Variants in SPRED2 observed in about 807,000 individuals in gnomAD.
The protein encoded by SPRED2 is sprouty-related, EVH1 domain-containing protein 2.
Under a neutral mutation model 43.0 loss-of-function variants are expected in SPRED2, and 47 were observed. The observed-to-expected ratio is 1.09, with a 90% CI of 0.87 to 1.40. SPRED2 has a LOEUF of 1.40. SPRED2 is among the 40% of genes most tolerant of loss of function. The pLI is 0.00. For missense variants in SPRED2, 561 were observed against 586.4 expected, an observed-to-expected ratio of 0.96 and a Z score of 0.45; for synonymous variants, 225 against 225.7, an observed-to-expected ratio of 1.00 and a Z score of 0.03.
intron 4 of SPRED2, among the ~76,000 whole-genome samples, chr2:65,324,175 A>T (rs751580113): frequency 6.6e-6 from 1 of 152,030 alleles, no homozygotes; most frequent in Non-Finnish European, 1.5e-5. Flanking sequence ...AAAAAAGAGC[A>T]GGCTTCCAGT....
At chr2:65,430,722 C>G (rs1676659276) in intron 1 of SPRED2, among the ~76,000 whole-genome samples, 1 of 152,154 alleles carries the variant, frequency 6.6e-6, no homozygotes, top group African/African-American at 2.4e-5. Flanking sequence ...TGCCAACCAG[C>G]TCTTTGCGCC....
chr2:65,322,903 T>C (rs1202177543), intron 4 of SPRED2, among the ~76,000 whole-genome samples: 1 of 152,226 alleles, frequency 6.6e-6, no homozygotes, highest in Non-Finnish European at 1.5e-5. Flanking sequence ...ATATGTGAAT[T>C]AAACAGCTTT....
chr2:65,391,448 CA>C (rs1486405696), intron 1 of SPRED2, among the ~76,000 whole-genome samples: 12 of 152,286 alleles, frequency 7.9e-5, no homozygotes, highest in African/African-American at 2.9e-4. Flanking sequence ...AAACTTTAGG[CA>C]AAATTTGGAT....
intron 1 of SPRED2, among the ~76,000 whole-genome samples, chr2:65,431,312 G>C (rs958503406): frequency 7.9e-5 from 12 of 151,342 alleles, no homozygotes; most frequent in African/African-American, 2.9e-4. Flanking sequence ...CGCAGGACGC[G>C]TGTGCCGGCC....
chr2:65,381,285 T>C (rs931169755), intron 1 of SPRED2, among the ~76,000 whole-genome samples: 6 of 152,188 alleles, frequency 3.9e-5, no homozygotes, highest in Admixed American at 1.3e-4. Context: ...GTCTTGATAA[T>C]AGACAAATGC....
At chr2:65,335,140 G>A (rs545179397) in intron 2 of SPRED2, among the ~76,000 whole-genome samples, 87 of 152,092 alleles carry the variant, frequency 5.7e-4, no homozygotes, top group Admixed American at 1.6e-3. Flanking sequence ...TCCCTCCCCC[G>A]AGGCTCCAAA....
At chr2:65,386,360 C>G (rs138980174) in intron 1 of SPRED2, among the ~76,000 whole-genome samples, 108 of 151,756 alleles carry the variant, frequency 7.1e-4, no homozygotes, top group African/African-American at 2.4e-3. Flanking sequence ...CCTTCTTACC[C>G]CAGCAGGGCA....
In SPRED2 at chr2:65,388,988, T is replaced by TG. The variant is rs1367208514; in HGVS notation, c.26+42973dup. On this transcript the variant is annotated intron_variant, in intron 1 of 5. Transcript: ENST00000356388. Reference sequence around the variant, plus strand: ...ACTGGGATTTGAAAGGTTCAACAGGTGGGGGTCAGGACAGAGATTCTGTAC... The same window carrying TG: ...ACTGGGATTTGAAAGGTTCAACAGGTGGGGGGTCAGGACAGAGATTCTGTAC... Among the ~76,000 whole-genome samples the TG allele has an allele frequency of 2.6e-5, 4 of 152,142 alleles. No individual in the cohort carries two copies. The South Asian group carries it at 6.2e-4, about 24-fold the overall frequency.
At chr2:65,357,347 G>C (rs1674682310) in intron 1 of SPRED2, among the ~76,000 whole-genome samples, 1 of 152,192 alleles carries the variant, frequency 6.6e-6, no homozygotes, top group Non-Finnish European at 1.5e-5. Flanking sequence ...CCCGAAGGCA[G>C]AGTTCAGGTC....
At chr2:65,332,090 A>C in intron 3 of SPRED2, 39 bp from the exon 4 acceptor site, 1 of 1,351,864 alleles carries the variant, frequency 7.4e-7, no homozygotes, top group Non-Finnish European at 1.0e-6. Context: ...GTTTCCCAAG[A>C]GGATACATCA....
At chr2:65,388,369 A>T (rs1356904675) in intron 1 of SPRED2, among the ~76,000 whole-genome samples, 32 of 152,218 alleles carry the variant, frequency 2.1e-4, no homozygotes, top group Non-Finnish European at 1.5e-5. Flanking sequence ...AGGTCATGCC[A>T]GCCCTAGGCG....
chr2:65,399,383 CTT>C (rs34672484), intron 1 of SPRED2, among the ~76,000 whole-genome samples: 3 of 125,362 alleles, frequency 2.4e-5, no homozygotes. Flanking sequence ...AACTATTATT[CTT>C]TTTTTTTTTT....
intron 1 of SPRED2, among the ~76,000 whole-genome samples, chr2:65,411,274 T>C (rs905230355): frequency 4.6e-5 from 7 of 152,202 alleles, no homozygotes; most frequent in East Asian, 1.9e-4. Context: ...CAGGCTCTGA[T>C]AGCAACATTG....
rs1675299643 is a variant in SPRED2, at chr2:65,378,576, T to C, written c.27-33680A>G. Among the ~76,000 whole-genome samples the C allele has an allele frequency of 2.0e-5, 3 of 152,208 alleles. No homozygotes were observed. The South Asian group carries it at 6.2e-4, about 31-fold the overall frequency. ...AAGGAAAAAGAGCTGTTAAAATGGCTATATGCCACTGAGACCTCACTAGTG... is the reference window on the plus strand; with the variant it reads ...AAGGAAAAAGAGCTGTTAAAATGGCCATATGCCACTGAGACCTCACTAGTG... On this transcript the variant is annotated intron_variant, in intron 1 of 5. Transcript: ENST00000356388.
In SPRED2 at chr2:65,316,834, G is replaced by A. The variant is rs1441117613; in HGVS notation, c.488C>T (p.Thr163Ile). 2.5e-6 allele frequency: 4 copies of A among 1,613,862 alleles called. No homozygotes were observed. In the African/African-American group the frequency reaches 5.3e-5, roughly 22 times the overall value. Residue 163 changes from threonine (T) to isoleucine (I), a missense_variant, in exon 5 of 6, where the codon ACT (threonine) becomes ATT (isoleucine). Thr to Ile is a moderately conservative substitution (Grantham distance 89). Transcript: ENST00000356388. ...SNSSQKREQP[T>I]RTISSPTSCE... The stretch of plus-strand genomic sequence containing the variant: ...GGATGTGGGAGAGGAGATTGTCCGA[G>A]TAGGTTGCTCTCTCTTCTGAGAGGA...
chr2:65,417,241 C>G (rs949551032), intron 1 of SPRED2, among the ~76,000 whole-genome samples: 1 of 152,158 alleles, frequency 6.6e-6, no homozygotes, highest in Non-Finnish European at 1.5e-5. Context: ...GAAGAACAAG[C>G]ATAGGTAATG....
intron 1 of SPRED2, among the ~76,000 whole-genome samples, chr2:65,350,809 G>A (rs1408234856): frequency 6.6e-6 from 1 of 152,216 alleles, no homozygotes; most frequent in Non-Finnish European, 1.5e-5. Context: ...CCACGTTACA[G>A]ACATAAACCA....
At chr2:65,400,281 A>C (rs1335560074) in intron 1 of SPRED2, among the ~76,000 whole-genome samples, 1 of 152,198 alleles carries the variant, frequency 6.6e-6, no homozygotes, top group East Asian at 1.9e-4. Context: ...GTCCATGGTT[A>C]TATTTTCTTT....
intron 2 of SPRED2, among the ~76,000 whole-genome samples, chr2:65,335,554 C>T (rs1211970820): frequency 2.6e-5 from 4 of 152,104 alleles, no homozygotes; most frequent in Non-Finnish European, 4.4e-5. Flanking sequence ...AATGAGAAAC[C>T]TAATTCACAT....
Sources: gnomAD v4.1 joint callset for allele counts (sites outside exome capture counted in the v4.1 genomes callset) on GRCh38, gnomAD v4.1.1 for gene constraint, MANE v1.5 for transcripts, NCBI Gene and HGNC (gene_info 2026-07-23, HGNC 2026-07-21) for gene names.